KATNAL2: variants seen among roughly 807,000 people sequenced by gnomAD.
The protein encoded by KATNAL2 is katanin p60 ATPase-containing subunit A-like 2.
A neutral mutation model predicts 76.3 loss-of-function variants in KATNAL2; 52 were observed. That is an observed-to-expected ratio of 0.68 (90% CI 0.55 to 0.86). The LOEUF (loss-of-function observed/expected upper bound fraction) is 0.86, where lower values mean the gene tolerates loss of function less well. Ranked by LOEUF, KATNAL2 falls within the 40% of genes least tolerant of loss-of-function variation. The pLI is 0.00. For missense variants in KATNAL2, 660 were observed against 668.9 expected (o/e 0.99, Z 0.15); for synonymous variants, 243 against 244.2 (o/e 1.00, Z 0.05).
intron 3 of KATNAL2, among the ~76,000 whole-genome samples, chr18:46,958,816 G>C (rs1393018089): frequency 6.6e-6 from 1 of 152,168 alleles, no homozygotes; most frequent in East Asian, 1.9e-4. Context: ...GTCAATGCAC[G>C]ATAATGGTTT....
chr18:47,084,843 TGTCTAA>T (rs1441549081), intron 15 of KATNAL2, among the ~76,000 whole-genome samples: 1 of 44,660 alleles, frequency 2.2e-5, no homozygotes, highest in Admixed American at 2.6e-4. Flanking sequence ...AGCAAGACTC[TGTCTAA>T]AAAAAAAAAA....
chr18:46,952,936 C>T (rs559309303), intron 3 of KATNAL2, among the ~76,000 whole-genome samples: 73 of 133,302 alleles, frequency 5.5e-4, no homozygotes, highest in African/African-American at 1.8e-3. Flanking sequence ...GCTCTGTTGC[C>T]GAGGCTGGAG....
chr18:47,072,908 G>A (rs758085515), intron 13 of KATNAL2, among the ~76,000 whole-genome samples: 5 of 152,062 alleles, frequency 3.3e-5, no homozygotes, highest in African/African-American at 4.8e-5. Flanking sequence ...GTGCCAAAAC[G>A]TATTTAACCA....
intron 8 of KATNAL2, among the ~76,000 whole-genome samples, chr18:47,061,633 C>T (rs1208390175): frequency 1.3e-5 from 2 of 152,298 alleles, no homozygotes; most frequent in Non-Finnish European, 2.9e-5. Flanking sequence ...TTCTTGAGGG[C>T]ATAGGCTTCA....
chr18:47,035,806 CA>C (rs1247336050), intron 3 of KATNAL2, among the ~76,000 whole-genome samples: 1 of 152,046 alleles, frequency 6.6e-6, no homozygotes, highest in Non-Finnish European at 1.5e-5. Context: ...CTGTGAATTC[CA>C]AAAAACACAG....
chr18:46,952,618 C>A (rs2146712791), intron 3 of KATNAL2, among the ~76,000 whole-genome samples: 1 of 152,076 alleles, frequency 6.6e-6, no homozygotes, highest in Non-Finnish European at 1.5e-5. Flanking sequence ...TCAGGCTGAT[C>A]TCGAACTCCT....
chr18:47,033,556 C>A lies in KATNAL2; in HGVS notation c.52-12901C>A, dbSNP rs765435433. ...AACGAGTGCGTGATTGTCTTTCTTT[C>A]TGCGATACAGCTGATCGGGCCTCCA... On this transcript the variant is annotated intron_variant, in intron 3 of 17. Coordinates refer to ENST00000683218, the MANE Select transcript of KATNAL2 (RefSeq NM_001387690.1). 5.1e-5 allele frequency: 83 copies of A among 1,614,068 alleles called. 2 individuals carry two copies. The East Asian group carries it at 1.8e-3, about 34-fold the overall frequency.
intron 3 of KATNAL2, chr18:47,034,364 G>C: frequency 6.2e-7 from 1 of 1,613,982 alleles, no homozygotes; most frequent in Non-Finnish European, 8.5e-7. Context: ...TGACTGTCTG[G>C]AGCCTCCTCC....
intron 13 of KATNAL2, 150 bp downstream of exon 13, chr18:47,069,750 A>G (rs973840451): frequency 3.2e-5 from 18 of 569,212 alleles, no homozygotes; most frequent in Non-Finnish European, 5.0e-5. Flanking sequence ...TGGGAAATGG[A>G]TTGTCTATTA....
Position 47,101,160 on chromosome 18 carries a change from G to A in KATNAL2, c.*155G>A. On this transcript the variant is annotated 3_prime_UTR_variant, in exon 18 of 18. Transcript: ENST00000683218. ...CCACTGTATTGTTTTGGATAGCTGA[G>A]ATATATTTATTAACTTACCATTATC... is the stretch of plus-strand genomic sequence containing the variant. 2.5e-6 allele frequency: 2 copies of A among 789,034 alleles called. No individual in the cohort carries two copies. Among genetic ancestry groups the A allele is most frequent in the Non-Finnish European group, 2.0e-6 (1 of 509,892 alleles). 48.9% of individuals were successfully genotyped at this position (789,034 alleles called of 1,614,324 possible). A position where few individuals can be genotyped will look rare whatever the true frequency, so the allele number is the denominator to read the frequency against.
At chr18:46,953,364 G>A (rs1418328686) in intron 3 of KATNAL2, among the ~76,000 whole-genome samples, 1 of 152,174 alleles carries the variant, frequency 6.6e-6, no homozygotes, top group Non-Finnish European at 1.5e-5. Flanking sequence ...TCTAGGCTGG[G>A]CATAGTGGCT....
Position 47,034,297 on chromosome 18 carries a change from C to T in KATNAL2, c.52-12160C>T, listed in dbSNP as rs1350477341. The T allele has an allele frequency of 5.0e-6, 8 of 1,613,436 alleles. No individual in the cohort carries two copies. Among genetic ancestry groups the T allele is most frequent in the South Asian group, 1.1e-5 (1 of 91,084 alleles). ...GCCGTGTGTCCCATTTCCTGGGTCC[C>T]GGCCGTCTAGACTGGGCCTCTTCTT... is the stretch of plus-strand genomic sequence containing the variant. On this transcript the variant is annotated intron_variant, in intron 3 of 17. Transcript: ENST00000683218.
In KATNAL2 at chr18:47,046,508, CATT is replaced by C. The variant is rs760139444; in HGVS notation, c.107_109del (p.Tyr36del). ...AAAAAATCTTCTCATTTTGATTTCG[CATT>C]ATTTAACACAAGAAGGGTATGTTAC... On this transcript the variant is annotated inframe_deletion, in exon 4 of 18. Transcript: ENST00000683218. The C allele has an allele frequency of 6.5e-7, 1 of 1,535,198 alleles. No individual in the cohort carries two copies. The highest frequency in any genetic ancestry group is 8.7e-7 in the Non-Finnish European group (1 of 1,146,114).
chr18:47,033,111 A>T (rs201659207), intron 3 of KATNAL2: 1 of 1,614,064 alleles, frequency 6.2e-7, no homozygotes, highest in South Asian at 1.1e-5. Context: ...CCGCGTGCTC[A>T]TTGCTGCTGC....
intron 13 of KATNAL2, among the ~76,000 whole-genome samples, chr18:47,070,126 C>G (rs12326600): frequency 3.5e-5 from 5 of 143,836 alleles, no homozygotes; most frequent in African/African-American, 7.7e-5. Flanking sequence ...GACGAAGTCT[C>G]GCTCTTGTCC....
At chr18:47,049,538 T>C (rs1443183667) in intron 4 of KATNAL2, among the ~76,000 whole-genome samples, 1 of 152,228 alleles carries the variant, frequency 6.6e-6, no homozygotes, top group African/African-American at 2.4e-5. Flanking sequence ...TTAATAGGTG[T>C]TAAAGAGTTT....
Position 46,921,693 on chromosome 18 carries a change from CAAA to C in KATNAL2, c.-510+3777_-510+3779del, listed in dbSNP as rs34156817. Among the ~76,000 whole-genome samples, 111 of 137,960 alleles carry C rather than the reference CAAA, an allele frequency of 8.0e-4. 1 individual carries two copies. The highest frequency in any genetic ancestry group is 7.9e-3 in the East Asian group (37 of 4,696). 90.5% of individuals were successfully genotyped at this position (137,960 alleles called of 152,430 possible). On this transcript the variant is annotated intron_variant, in intron 1 of 17. Transcript: ENST00000683218. ...ATCTAAACAGCTGATAAACACATAA[CAAA>C]AAAAAAAAAGCACTTCATTAAGAAA...
chr18:46,961,200 T>G (rs1451836881), intron 3 of KATNAL2, among the ~76,000 whole-genome samples: 1 of 151,866 alleles, frequency 6.6e-6, no homozygotes, highest in Admixed American at 6.6e-5. Context: ...CCAGGCCATC[T>G]GGCTATTTAT....
At chr18:47,039,178 A>T (rs1482854109) in intron 3 of KATNAL2, among the ~76,000 whole-genome samples, 2 of 152,144 alleles carry the variant, frequency 1.3e-5, no homozygotes, top group Non-Finnish European at 2.9e-5. Flanking sequence ...AATTATTTAC[A>T]TTTATTTAAG....
Sources: allele counts gnomAD v4.1 joint callset (sites outside exome capture counted in the v4.1 genomes callset), GRCh38; gene constraint gnomAD v4.1.1; transcripts MANE v1.5; gene names NCBI Gene and HGNC (gene_info 2026-07-23, HGNC 2026-07-21).